The following CPNE8 variants were observed in gnomAD, a reference collection of about 807,000 sequenced individuals.
CPNE8 encodes the protein copine 8.
Under a neutral mutation model 81.5 loss-of-function variants are expected in CPNE8, and 45 were observed. That is an observed-to-expected ratio of 0.55 (90% CI 0.44 to 0.71). The LOEUF is 0.71. Among genes scored for constraint, CPNE8 ranks in the 30% least tolerant of loss-of-function variants. The probability of loss-of-function intolerance (pLI) is 0.00; values close to 1 mark genes in which losing one functional copy is unlikely to be tolerated. For synonymous variants in CPNE8, 252 were observed against 226.3 expected (o/e 1.11, Z -1.02); for missense variants, 594 against 672.1 (o/e 0.88, Z 1.28).
intron 13 of CPNE8, among the ~76,000 whole-genome samples, chr12:38,716,548 C>A (rs887039762): frequency 2.6e-5 from 4 of 151,918 alleles, no homozygotes; most frequent in Non-Finnish European, 5.9e-5. Flanking sequence ...GGAAAGAACA[C>A]CCTATTCAAT....
At chr12:38,788,541 C>G (rs897430344) in intron 6 of CPNE8, among the ~76,000 whole-genome samples, 1 of 151,856 alleles carries the variant, frequency 6.6e-6, no homozygotes, top group Non-Finnish European at 1.5e-5. Context: ...CCTCTAAGAT[C>G]TGGAACACAA....
chr12:38,776,388 G>T, intron 6 of CPNE8, 87 bp from the exon 7 acceptor site: 1 of 386,290 alleles, frequency 2.6e-6, no homozygotes, highest in Admixed American at 4.9e-5. Flanking sequence ...TTATTTTTAT[G>T]TACTCTAATA....
chr12:38,764,307 T>C (rs1941632367), intron 8 of CPNE8, among the ~76,000 whole-genome samples: 1 of 151,484 alleles, frequency 6.6e-6, no homozygotes, highest in African/African-American at 2.4e-5. Context: ...AAGGCAAAGG[T>C]ACCAAAAAAT....
intron 6 of CPNE8, among the ~76,000 whole-genome samples, chr12:38,792,771 C>T (rs1248380092): frequency 6.6e-6 from 1 of 151,744 alleles, no homozygotes. Context: ...CATCAAAACA[C>T]TATACAAAGA....
intron 1 of CPNE8, among the ~76,000 whole-genome samples, chr12:38,901,953 C>T (rs983802364): frequency 6.6e-6 from 1 of 152,072 alleles, no homozygotes; most frequent in Non-Finnish European, 1.5e-5. Context: ...ACTTCTTTTG[C>T]ATTTCTCATG....
rs1355427940 is a variant in CPNE8, at chr12:38,653,953, G to A, written c.1624C>T (p.Arg542Ter). The A allele has an allele frequency of 2.5e-6, 4 of 1,613,554 alleles. No individual in the cohort carries two copies. The South Asian group carries it at 3.3e-5, about 13-fold the overall frequency. The change falls in exon 20 of 20, where the codon CGA (arginine) becomes TGA (stop). Residue 542 changes from arginine to a stop codon, truncating the protein, a stop_gained. Transcript: ENST00000331366. LOFTEE classifies it high-confidence loss of function. ...PEQFLSYMRA[R>*]GIKPSPAPPP... ...GGCGCAGGTGATGGCTTGATTCCTCGGGCTCTCATATAGGAGAGAAACTGC... is the reference window on the plus strand; with the variant it reads ...GGCGCAGGTGATGGCTTGATTCCTCAGGCTCTCATATAGGAGAGAAACTGC...
intron 6 of CPNE8, among the ~76,000 whole-genome samples, chr12:38,795,921 A>G (rs146889486): frequency 4.0e-4 from 60 of 150,880 alleles, no homozygotes; most frequent in African/African-American, 1.3e-3. Context: ...ATACAACATG[A>G]CCAGTTGAGG....
chr12:38,833,573 G>C (rs1016914297), intron 5 of CPNE8, among the ~76,000 whole-genome samples: 31 of 149,576 alleles, frequency 2.1e-4, no homozygotes, highest in South Asian at 2.1e-4. Flanking sequence ...CCACTTCCTG[G>C]GTTTGCACCA....
intron 13 of CPNE8, among the ~76,000 whole-genome samples, chr12:38,708,707 G>T (rs1471305631): frequency 6.6e-6 from 1 of 152,110 alleles, no homozygotes; most frequent in African/African-American, 2.4e-5. Context: ...AGAGAAATCA[G>T]ATGTCAAGAT....
Position 38,905,465 on chromosome 12 carries a change from T to C in CPNE8, c.70A>G (p.Thr24Ala). ...CAGGACACGGACACCTCCACCCGCGTGGCCGGGATGGCAGCGCTCAGCTGG... is the reference window on the plus strand; with the variant it reads ...CAGGACACGGACACCTCCACCCGCGCGGCCGGGATGGCAGCGCTCAGCTGG... ...LNQLSAAIPA[T>A]RVEVSVSCRN... Residue 24 changes from threonine to alanine, a missense_variant, in exon 1 of 20, where the codon ACG becomes GCG. Physicochemically the swap from Thr to Ala is moderately conservative, Grantham distance 58. Coordinates refer to ENST00000331366, the MANE Select transcript of CPNE8 (RefSeq NM_153634.3). 1.3e-6 allele frequency: 2 copies of C among 1,572,548 alleles called. No individual in the cohort carries two copies. Among genetic ancestry groups the C allele is most frequent in the Non-Finnish European group, 1.7e-6 (2 of 1,158,858 alleles).
intron 6 of CPNE8, among the ~76,000 whole-genome samples, chr12:38,820,819 A>T (rs1479542257): frequency 6.6e-6 from 1 of 152,202 alleles, no homozygotes; most frequent in Non-Finnish European, 1.5e-5. Context: ...CTACTACTAA[A>T]GCTCACCAAT....
intron 5 of CPNE8, among the ~76,000 whole-genome samples, chr12:38,834,221 T>C (rs915103278): frequency 6.6e-6 from 1 of 152,166 alleles, no homozygotes; most frequent in Non-Finnish European, 1.5e-5. Context: ...TAGATAACTC[T>C]GAGTTCCAAC....
intron 6 of CPNE8, among the ~76,000 whole-genome samples, chr12:38,827,756 G>A (rs190672153): frequency 9.2e-5 from 14 of 152,190 alleles, no homozygotes; most frequent in Admixed American, 5.9e-4. Flanking sequence ...ACTTATAAGC[G>A]GGAGATAAAC....
chr12:38,685,615 A>G lies in CPNE8; in HGVS notation c.1146T>C (p.Asn382=), dbSNP rs1565566810. Residue 382 remains asparagine, a splice_region_variant and synonymous_variant, in exon 16 of 20, where the codon AAT becomes AAC. Coordinates refer to ENST00000331366, the MANE Select transcript of CPNE8 (RefSeq NM_153634.3). ...CACAGTAGGGGTTTTGAGGATTCCCATTCTGTAGAAATTTATAGGCAAAAC... is the reference window on the plus strand; with the variant it reads ...CACAGTAGGGGTTTTGAGGATTCCCGTTCTGTAGAAATTTATAGGCAAAAC... ...DGRISHEFAL[N]GNPQNPYCDG... The G allele has an allele frequency of 6.2e-7, 1 of 1,610,288 alleles. No individual in the cohort carries two copies.
chr12:38,744,159 A>G (rs1442520094), intron 10 of CPNE8, among the ~76,000 whole-genome samples: 1 of 152,206 alleles, frequency 6.6e-6, no homozygotes, highest in Non-Finnish European at 1.5e-5. Context: ...GAACCAGAGT[A>G]AAACACAGAG....
intron 3 of CPNE8, among the ~76,000 whole-genome samples, chr12:38,860,734 T>G (rs752161041): frequency 6.6e-6 from 1 of 152,114 alleles, no homozygotes; most frequent in Non-Finnish European, 1.5e-5. Flanking sequence ...CTAAGCGAAA[T>G]AAACCAGACA....
At chr12:38,654,646 A>C (rs959339326) in intron 19 of CPNE8, among the ~76,000 whole-genome samples, 1 of 152,158 alleles carries the variant, frequency 6.6e-6, no homozygotes, top group African/African-American at 2.4e-5. Context: ...CATGTCACTT[A>C]ATCCTAATAG....
At chr12:38,679,749 T>G (rs1026644799) in intron 16 of CPNE8, 10 of 928,630 alleles carry the variant, frequency 1.1e-5, no homozygotes, top group Non-Finnish European at 1.3e-5. Flanking sequence ...TGTATTACCA[T>G]TTATTCTACT....
chr12:38,887,474 G>A (rs1394280999), intron 1 of CPNE8, among the ~76,000 whole-genome samples: 1 of 152,062 alleles, frequency 6.6e-6, no homozygotes, highest in Non-Finnish European at 1.5e-5. Context: ...CTATTGCTGG[G>A]TAAGAAAGTT....
Sources: gnomAD v4.1 joint callset for allele counts (sites outside exome capture counted in the v4.1 genomes callset) on GRCh38, gnomAD v4.1.1 for gene constraint, MANE v1.5 for transcripts, NCBI Gene and HGNC (gene_info 2026-07-23, HGNC 2026-07-21) for gene names.